The following AKAP12 variants were observed in gnomAD, a reference collection of about 807,000 sequenced individuals.
AKAP12 encodes A-kinase anchoring protein 12, also known as A-kinase anchor protein 12.
A neutral mutation model predicts 79.9 loss-of-function variants in AKAP12; 32 were observed. The observed-to-expected ratio is 0.40, with a 90% CI of 0.30 to 0.54. The LOEUF (loss-of-function observed/expected upper bound fraction) is 0.54. AKAP12 is among the 20% of genes least tolerant of loss of function. The pLI is 0.48. For synonymous variants in AKAP12, 808 were observed against 857.0 expected (o/e 0.94, Z 1.00); for missense variants, 2,074 against 2,177.0 (o/e 0.95, Z 0.94).
intron 2 of AKAP12, among the ~76,000 whole-genome samples, chr6:151,260,706 C>T (rs1482866454): frequency 6.6e-6 from 1 of 152,080 alleles, no homozygotes; most frequent in African/African-American, 2.4e-5. Context: ...ACATTTTTCT[C>T]TTTATTTTGG....
At chr6:151,312,767 A>G (rs534272976) in intron 3 of AKAP12, among the ~76,000 whole-genome samples, 71 of 142,540 alleles carry the variant, frequency 5.0e-4, no homozygotes, top group Admixed American at 2.8e-3. Flanking sequence ...ACTCCAGCCT[A>G]GGCTACAAGA....
At chr6:151,343,589 G>A (rs1778004952) in intron 3 of AKAP12, among the ~76,000 whole-genome samples, 1 of 152,094 alleles carries the variant, frequency 6.6e-6, no homozygotes, top group Admixed American at 6.6e-5. Flanking sequence ...TTTGAAACCA[G>A]CCTGGCCAAC....
intron 2 of AKAP12, among the ~76,000 whole-genome samples, chr6:151,243,643 A>G (rs1797017942): frequency 6.6e-6 from 1 of 152,176 alleles, no homozygotes; most frequent in East Asian, 1.9e-4. Flanking sequence ...TTTTTCCGTT[A>G]GATCCAGAGA....
At chr6:151,324,002 C>T (rs1777462480) in intron 3 of AKAP12, 1 of 985,282 alleles carries the variant, frequency 1.0e-6, no homozygotes, top group East Asian at 1.1e-4. Flanking sequence ...CCATGATTTG[C>T]ACAGCCAGGA....
At chr6:151,324,087 G>C in intron 3 of AKAP12, 1 of 985,402 alleles carries the variant, frequency 1.0e-6, no homozygotes, top group Non-Finnish European at 1.2e-6. Context: ...ACTCCAGAAG[G>C]ATGGTCAGTA....
Position 151,352,226 on chromosome 6 carries a change from C to T in AKAP12, c.3835C>T (p.Pro1279Ser), listed in dbSNP as rs752162603. The change falls in exon 4 of 5, where the codon CCA (proline) becomes TCA (serine). Residue 1279 changes from proline (P) to serine (S), a missense_variant. By Grantham distance (74) the Pro-to-Ser change is moderately conservative. This residue lies in a region of AKAP12 where 614 missense variants were observed against 665.6 expected (regional missense o/e 0.92). Transcript: ENST00000402676. Reference protein sequence around the residue: ...QYADEKTKDVPFFEGLEGSID... With the variant: ...QYADEKTKDVSFFEGLEGSID... Reference sequence around the variant, plus strand: ...TGCTGATGAGAAAACCAAAGACGTACCATTTTTCGAAGGACTTGAGGGGTC... The same window carrying T: ...TGCTGATGAGAAAACCAAAGACGTATCATTTTTCGAAGGACTTGAGGGGTC... The T allele has an allele frequency of 1.2e-6, 2 of 1,613,998 alleles. No homozygotes were observed. Among genetic ancestry groups the T allele is most frequent in the Non-Finnish European group, 1.7e-6 (2 of 1,180,044 alleles).
chr6:151,241,782 A>G (rs554633770), intron 2 of AKAP12, among the ~76,000 whole-genome samples: 1 of 150,538 alleles, frequency 6.6e-6, no homozygotes, highest in Non-Finnish European at 1.5e-5. Context: ...ATTTGAGGAT[A>G]GAGTACGTGA....
intron 3 of AKAP12, among the ~76,000 whole-genome samples, chr6:151,312,290 G>A (rs1777123012): frequency 6.6e-6 from 1 of 151,798 alleles, no homozygotes; most frequent in Admixed American, 6.6e-5. Flanking sequence ...GGGAAGCATA[G>A]TGAGACCCTT....
Position 151,353,754 on chromosome 6 carries a change from T to TAA in AKAP12, c.*12+3_*12+4dup, listed in dbSNP as rs1471854089. 4 of 1,528,534 alleles carry TAA rather than the reference T, an allele frequency of 2.6e-6. No homozygotes were observed. The highest frequency in any genetic ancestry group is 3.5e-6 in the Non-Finnish European group (4 of 1,139,046). 94.7% of individuals were successfully genotyped at this position (1,528,534 alleles called of 1,614,324 possible). ...ACAGAATCTTAAAACATCATGCAGG[T>TAA]AAGCTTCCTTGTCTTCTAAGATAAT... On this transcript the variant is annotated splice_region_variant and intron_variant, in intron 4 of 4. Transcript: ENST00000402676.
intron 2 of AKAP12, among the ~76,000 whole-genome samples, chr6:151,263,547 T>G (rs985991846): frequency 2.0e-5 from 3 of 152,108 alleles, no homozygotes; most frequent in Non-Finnish European, 2.9e-5. Context: ...TCATTTTTAC[T>G]CACTATACTC....
intron 2 of AKAP12, among the ~76,000 whole-genome samples, chr6:151,300,367 G>C (rs1363686711): frequency 6.6e-6 from 1 of 152,162 alleles, no homozygotes; most frequent in African/African-American, 2.4e-5. Context: ...TGTGTGAACT[G>C]CAGGAGTGCT....
chr6:151,313,635 G>A (rs1364296358), intron 3 of AKAP12, among the ~76,000 whole-genome samples: 1 of 152,156 alleles, frequency 6.6e-6, no homozygotes, highest in African/African-American at 2.4e-5. Flanking sequence ...CTATATTCAA[G>A]TCTGACAGTG....
intron 3 of AKAP12, among the ~76,000 whole-genome samples, chr6:151,347,358 G>T (rs1778127643): frequency 6.6e-6 from 1 of 152,172 alleles, no homozygotes; most frequent in Non-Finnish European, 1.5e-5. Context: ...GTAGATACTT[G>T]TTTGTTCTTT....
intron 3 of AKAP12, among the ~76,000 whole-genome samples, chr6:151,308,045 T>C (rs911192171): frequency 2.0e-5 from 3 of 151,250 alleles, no homozygotes; most frequent in Non-Finnish European, 4.4e-5. Context: ...TGGCTAATTT[T>C]TGTATTTTTA....
chr6:151,250,288 A>G (rs1046361904), intron 2 of AKAP12, among the ~76,000 whole-genome samples: 1 of 151,670 alleles, frequency 6.6e-6, no homozygotes, highest in African/African-American at 2.4e-5. Flanking sequence ...ATTTGAGGTC[A>G]GGAGTTTGAG....
intron 2 of AKAP12, among the ~76,000 whole-genome samples, chr6:151,254,984 T>G (rs1797263573): frequency 6.6e-6 from 1 of 152,178 alleles, no homozygotes; most frequent in African/African-American, 2.4e-5. Flanking sequence ...AGAACCCAGC[T>G]TGTTCTTCGC....
intron 2 of AKAP12, 150 bp downstream of exon 2, chr6:151,240,874 G>T: frequency 1.3e-6 from 1 of 773,836 alleles, no homozygotes; most frequent in Non-Finnish European, 1.7e-6. Flanking sequence ...CCTCTTTGGA[G>T]GCTTTTCAGG....
chr6:151,346,047 C>T (rs764174332), intron 3 of AKAP12, among the ~76,000 whole-genome samples: 7 of 151,606 alleles, frequency 4.6e-5, no homozygotes, highest in Non-Finnish European at 1.0e-4. Flanking sequence ...CAAATCTCTA[C>T]CCTTTTATGT....
At chr6:151,313,679 G>A (rs1242871018) in intron 3 of AKAP12, among the ~76,000 whole-genome samples, 1 of 152,108 alleles carries the variant, frequency 6.6e-6, no homozygotes, top group African/African-American at 2.4e-5. Context: ...CTTAACAAAA[G>A]GAGTGAGGAA....
Sources: gnomAD v4.1 joint callset for allele counts (sites outside exome capture counted in the v4.1 genomes callset) on GRCh38, gnomAD v4.1.1 for gene constraint, gnomAD v4.1.1 regional missense constraint, MANE v1.5 for transcripts, NCBI Gene and HGNC (gene_info 2026-07-23, HGNC 2026-07-21) for gene names.